DEPDC5: variants seen among roughly 807,000 people sequenced by gnomAD.
DEPDC5 encodes DEP domain containing 5, GATOR1 subcomplex subunit.
In DEPDC5, 73 loss-of-function variants were observed where a neutral mutation model predicts 217.3. The ratio of observed to expected loss-of-function variants is 0.34; its 90% CI spans 0.28 to 0.41. The LOEUF is 0.41. Ranked by LOEUF, DEPDC5 falls within the 10% of genes least tolerant of loss-of-function variation. The pLI, the probability that DEPDC5 is intolerant of heterozygous loss-of-function variation, is 1.00. For missense variants in DEPDC5, 1,675 were observed against 2,070.1 expected (o/e 0.81, Z 3.70); for synonymous variants, 733 against 756.7 (o/e 0.97, Z 0.51).
At chr22:31,901,627 G>A (rs1212651504) in intron 40 of DEPDC5, 115 bp from the exon 41 acceptor site, 1 of 857,662 alleles carries the variant, frequency 1.2e-6, no homozygotes, top group African/African-American at 1.7e-5. Flanking sequence ...GAGAAGCAGA[G>A]GTTAGGCTCA....
At position 31,822,771 on chromosome 22, in the gene DEPDC5, G is replaced by A. The variant is rs756865942; in HGVS notation, c.2085G>A (p.Leu695=). 2 of 1,613,930 alleles carry A rather than the reference G, an allele frequency of 1.2e-6. No individual in the cohort carries two copies. The highest frequency in any genetic ancestry group is 2.7e-5 in the African/African-American group (2 of 74,922). ...FSGTEELSVG[L]LSNSGAGMNP... ...GAACAGAGGAGCTTTCTGTCGGCCT[G>A]CTTAGCAACAGTGGTGCAGGTAACC... The change falls in exon 24 of 43, where the codon CTG becomes CTA. Residue 695 remains leucine, a synonymous_variant. Transcript: ENST00000651528.
chr22:31,794,869 T>C (rs183759948), intron 12 of DEPDC5, among the ~76,000 whole-genome samples: 38 of 151,874 alleles, frequency 2.5e-4, no homozygotes, highest in Non-Finnish European at 4.7e-4. Flanking sequence ...CTGGGTGACA[T>C]AGTGAGACCC....
chr22:31,888,552 CTTTG>C (rs779032639), intron 38 of DEPDC5, among the ~76,000 whole-genome samples: 21 of 148,090 alleles, frequency 1.4e-4, no homozygotes, highest in Non-Finnish European at 2.9e-4. Context: ...ACACCCGGCT[CTTTG>C]TTTGTGTTTT....
At chr22:31,762,423 T>A (rs1272911790) in intron 4 of DEPDC5, among the ~76,000 whole-genome samples, 2 of 152,230 alleles carry the variant, frequency 1.3e-5, no homozygotes, top group Non-Finnish European at 2.9e-5. Context: ...TAAGATACTC[T>A]TTTAAATAGT....
intron 39 of DEPDC5, 58 bp downstream of exon 39, chr22:31,893,809 A>T (rs943643593): frequency 1.4e-6 from 2 of 1,448,792 alleles, no homozygotes; most frequent in African/African-American, 2.9e-5. Context: ...GGGCATGGAG[A>T]TGCTTGATAG....
chr22:31,898,078 C>T (rs990345072), intron 40 of DEPDC5, among the ~76,000 whole-genome samples: 9 of 152,170 alleles, frequency 5.9e-5, no homozygotes, highest in Non-Finnish European at 1.0e-4. Flanking sequence ...AAAGGGAGGG[C>T]ATGAAAAGCA....
At chr22:31,843,912 C>T in intron 29 of DEPDC5, 100 bp downstream of exon 29, 21 of 1,046,666 alleles carry the variant, frequency 2.0e-5, no homozygotes, top group South Asian at 1.0e-4. Flanking sequence ...CTCCCTTTTT[C>T]TTTTTTTTTT....
intron 24 of DEPDC5, chr22:31,826,493 T>C (rs912949424): frequency 2.3e-6 from 1 of 430,536 alleles, no homozygotes; most frequent in Admixed American, 2.6e-5. Flanking sequence ...GGTTCCTCTC[T>C]ATAGAATATG....
At chr22:31,757,880 C>G (rs888465291) in intron 2 of DEPDC5, among the ~76,000 whole-genome samples, 8 of 152,180 alleles carry the variant, frequency 5.3e-5, no homozygotes, top group African/African-American at 1.7e-4. Flanking sequence ...TCTCCTGCCT[C>G]AGGCTCCCAA....
At chr22:31,850,096 G>A (rs1413109682) in intron 31 of DEPDC5, among the ~76,000 whole-genome samples, 1 of 152,162 alleles carries the variant, frequency 6.6e-6, no homozygotes, top group Admixed American at 6.5e-5. Context: ...TCCAGCCTGG[G>A]TGATAGAGTG....
At chr22:31,847,211 A>G (rs1266857440) in intron 31 of DEPDC5, among the ~76,000 whole-genome samples, 1 of 152,228 alleles carries the variant, frequency 6.6e-6, no homozygotes, top group Admixed American at 6.5e-5. Flanking sequence ...TTAGCCCACA[A>G]AGTATTTCAA....
At chr22:31,864,261 A>G (rs1415546733) in intron 33 of DEPDC5, among the ~76,000 whole-genome samples, 1 of 151,358 alleles carries the variant, frequency 6.6e-6, no homozygotes, top group East Asian at 2.0e-4. Context: ...GGCATGCACC[A>G]CCATGCCCGG....
rs964843163 is a variant in DEPDC5, at chr22:31,778,387, C to G, written c.483+219C>G. The stretch of plus-strand genomic sequence containing the variant: ...CCTCTGGTCCCAGCTATTCAGGAAG[C>G]TGAGGTGGAAGAATTACCGGGATCC... On this transcript the variant is annotated intron_variant, in intron 8 of 42. Transcript: ENST00000651528. 1.6e-4 allele frequency among the ~76,000 whole-genome samples: 25 copies of G among 152,010 alleles called. 3 individuals carry two copies. Among genetic ancestry groups the G allele is most frequent in the Admixed American group, 1.5e-3 (23 of 15,242 alleles).
At chr22:31,860,373 C>T (rs776476609) in intron 32 of DEPDC5, among the ~76,000 whole-genome samples, 6 of 152,114 alleles carry the variant, frequency 3.9e-5, no homozygotes, top group Non-Finnish European at 8.8e-5. Flanking sequence ...AAAATGGGCA[C>T]CCAAATATTT....
At chr22:31,887,975 T>A (rs144588527) in intron 38 of DEPDC5, among the ~76,000 whole-genome samples, 2,167 of 152,284 alleles carry the variant, frequency 0.014, 19 homozygotes, top group Middle Eastern at 0.031. Flanking sequence ...CTTGTCCCTT[T>A]TTTTGTTTTT....
At chr22:31,900,771 G>T (rs1044010480) in intron 40 of DEPDC5, among the ~76,000 whole-genome samples, 1 of 151,916 alleles carries the variant, frequency 6.6e-6, no homozygotes, top group Non-Finnish European at 1.5e-5. Context: ...GGTAGTAGTT[G>T]TTCCTTAGAA....
rs1453526282 is a variant in DEPDC5, at chr22:31,879,542, G to C, written c.3823G>C (p.Ala1275Pro). The change falls in exon 38 of 43, where the codon GCC (alanine) becomes CCC (proline). Residue 1275 changes from alanine to proline, a missense_variant. Transcript: ENST00000651528. ...EPDRVAMQQPATTWHTAGVDD... is the reference protein window; with the variant it reads ...EPDRVAMQQPPTTWHTAGVDD... ...TTTCCCAGTGGCCATGCAGCAGCCC[G>C]CCACCACCTGGCACACAGCAGGAGT... 2 of 1,610,708 alleles carry C rather than the reference G, an allele frequency of 1.2e-6. No homozygotes were observed. Among genetic ancestry groups the C allele is most frequent in the Non-Finnish European group, 8.5e-7 (1 of 1,179,966 alleles).
At chr22:31,800,257 TA>T (rs2086730368) in intron 14 of DEPDC5, among the ~76,000 whole-genome samples, 1 of 152,096 alleles carries the variant, frequency 6.6e-6, no homozygotes, top group Non-Finnish European at 1.5e-5. Flanking sequence ...TCTAACCTCC[TA>T]GGAATGCAGA....
chr22:31,821,683 C>T, intron 23 of DEPDC5, 46 bp downstream of exon 23: 5 of 1,597,970 alleles, frequency 3.1e-6, no homozygotes, highest in East Asian at 4.5e-5. Flanking sequence ...AGAACACTCT[C>T]CAGCACCCAG....
Sources: allele counts gnomAD v4.1 joint callset (sites outside exome capture counted in the v4.1 genomes callset), GRCh38; gene constraint gnomAD v4.1.1; transcripts MANE v1.5; gene names NCBI Gene and HGNC (gene_info 2026-07-23, HGNC 2026-07-21).